The following RALGAPA2 variants were observed in gnomAD, a reference collection of about 807,000 sequenced individuals.
RALGAPA2 encodes the protein ral GTPase-activating protein subunit alpha-2.
Under a neutral mutation model 230.4 loss-of-function variants are expected in RALGAPA2, and 139 were observed. The ratio of observed to expected loss-of-function variants is 0.60; its 90% CI spans 0.53 to 0.69. The LOEUF (loss-of-function observed/expected upper bound fraction) is 0.69, where lower values mean the gene tolerates loss of function less well. RALGAPA2 is among the 30% of genes least tolerant of loss of function. The probability of loss-of-function intolerance (pLI) is 0.00; values close to 1 mark genes in which losing one functional copy is unlikely to be tolerated. For missense variants in RALGAPA2, 2,163 were observed against 2,276.0 expected (o/e 0.95, Z 1.01); for synonymous variants, 847 against 837.8 (o/e 1.01, Z -0.19).
At chr20:20,506,409 AC>A (rs1225075499) in intron 33 of RALGAPA2, among the ~76,000 whole-genome samples, 1 of 152,220 alleles carries the variant, frequency 6.6e-6, no homozygotes, top group African/African-American at 2.4e-5. Context: ...TACAAATTAT[AC>A]CCTGGAGTAA....
intron 36 of RALGAPA2, among the ~76,000 whole-genome samples, chr20:20,484,184 G>A (rs2061848300): frequency 6.6e-6 from 1 of 152,366 alleles, no homozygotes; most frequent in South Asian, 2.1e-4. Context: ...CCAAAAGACA[G>A]TAATTTTCCC....
chr20:20,676,672 A>T (rs1439652296), intron 2 of RALGAPA2, among the ~76,000 whole-genome samples: 2 of 152,224 alleles, frequency 1.3e-5, no homozygotes, highest in African/African-American at 2.4e-5. Context: ...ATAACTATAA[A>T]AGTAGTATAT....
intron 36 of RALGAPA2, among the ~76,000 whole-genome samples, chr20:20,486,316 A>G (rs888486641): frequency 4.6e-5 from 7 of 151,782 alleles, no homozygotes; most frequent in African/African-American, 1.7e-4. Context: ...TTGTCTGAGA[A>G]GGTCTTTCTC....
intron 15 of RALGAPA2, among the ~76,000 whole-genome samples, chr20:20,602,953 G>T (rs2065704689): frequency 6.6e-6 from 1 of 152,050 alleles, no homozygotes; most frequent in Non-Finnish European, 1.5e-5. Context: ...CCTTAGCCAG[G>T]TAAGTTCTCT....
chr20:20,467,300 C>T (rs1198449275), intron 37 of RALGAPA2, among the ~76,000 whole-genome samples: 5 of 152,152 alleles, frequency 3.3e-5, no homozygotes, highest in South Asian at 2.1e-4. Flanking sequence ...AAGTGTGTTC[C>T]GGATACTTTG....
intron 38 of RALGAPA2, among the ~76,000 whole-genome samples, chr20:20,404,486 C>G (rs1428406871): frequency 2.0e-5 from 3 of 152,132 alleles, no homozygotes; most frequent in Non-Finnish European, 2.9e-5. Flanking sequence ...ACTGAGTCTT[C>G]TAGGAGGCCC....
rs2065786408 is a variant in RALGAPA2, at chr20:20,605,332, C to T, written c.1881G>A (p.Leu627=). The part of the protein sequence containing the change: ...RELWDDFLGV[L]SSLTEWEELI... The stretch of plus-strand genomic sequence containing the variant: ...GTTCCTCCCATTCCGTGAGGGAGGA[C>T]AGCACACCAAGAAAGTCATCCCAGA... Residue 627 remains leucine, a synonymous_variant, in exon 15 of 40, where the codon CTG becomes CTA. Coordinates refer to ENST00000202677, the MANE Select transcript of RALGAPA2 (RefSeq NM_020343.4). 2.5e-6 allele frequency: 4 copies of T among 1,613,652 alleles called. No homozygotes were observed. Among genetic ancestry groups the T allele is most frequent in the Admixed American group, 1.7e-5 (1 of 59,982 alleles).
chr20:20,581,422 A>G (rs937738988), intron 20 of RALGAPA2, among the ~76,000 whole-genome samples: 4 of 152,214 alleles, frequency 2.6e-5, no homozygotes, highest in Non-Finnish European at 5.9e-5. Context: ...AGGGCTTTAC[A>G]GTAATTTTAA....
intron 30 of RALGAPA2, among the ~76,000 whole-genome samples, chr20:20,522,541 C>T (rs1316975597): frequency 6.6e-6 from 1 of 152,158 alleles, no homozygotes; most frequent in African/African-American, 2.4e-5. Flanking sequence ...GCGGCTATCC[C>T]TGGACATGGG....
chr20:20,703,616 A>C (rs1003678791), intron 1 of RALGAPA2, among the ~76,000 whole-genome samples: 1 of 152,256 alleles, frequency 6.6e-6, no homozygotes, highest in Non-Finnish European at 1.5e-5. Context: ...CTATGAGAAG[A>C]CATTTTGCAA....
intron 1 of RALGAPA2, among the ~76,000 whole-genome samples, chr20:20,687,495 T>C (rs1355993730): frequency 2.0e-5 from 3 of 152,120 alleles, no homozygotes; most frequent in African/African-American, 7.2e-5. Context: ...AATGTGGCAG[T>C]GGTTGCTGGG....
intron 16 of RALGAPA2, among the ~76,000 whole-genome samples, chr20:20,593,671 T>C (rs918064363): frequency 6.6e-6 from 1 of 152,338 alleles, no homozygotes; most frequent in South Asian, 2.1e-4. Context: ...TTATGGATAG[T>C]GGGAAGAGTT....
chr20:20,645,833 G>A (rs1175315472), intron 4 of RALGAPA2, among the ~76,000 whole-genome samples: 2 of 152,066 alleles, frequency 1.3e-5, no homozygotes, highest in African/African-American at 4.8e-5. Context: ...TCAGACAACT[G>A]ACAGTGAGAT....
intron 4 of RALGAPA2, among the ~76,000 whole-genome samples, chr20:20,645,289 A>G (rs1381112271): frequency 6.6e-6 from 1 of 150,646 alleles, no homozygotes; most frequent in African/African-American, 2.4e-5. Flanking sequence ...TATTTTTTGT[A>G]TTTTAGTAGA....
Position 20,412,089 on chromosome 20 carries a change from G to A in RALGAPA2, c.5555C>T (p.Thr1852Ile), listed in dbSNP as rs2060073541. 1.2e-6 allele frequency: 2 copies of A among 1,613,958 alleles called. No homozygotes were observed. The highest frequency in any genetic ancestry group is 4.5e-5 in the East Asian group (2 of 44,882). ...AIIQNHREVMTFEDFAAQVFS... is the reference protein window; with the variant it reads ...AIIQNHREVMIFEDFAAQVFS... ...GACTTGGGCTGCGAAATCCTCGAAT[G>A]TCATTACTTCGCGGTGGTTCTGAAT... The change falls in exon 38 of 40, where the codon ACA (threonine) becomes ATA (isoleucine). Residue 1852 changes from threonine to isoleucine, a missense_variant. Thr to Ile is a moderately conservative substitution (Grantham distance 89). Transcript: ENST00000202677.
intron 24 of RALGAPA2, among the ~76,000 whole-genome samples, chr20:20,546,354 T>C (rs1337085508): frequency 1.3e-5 from 2 of 152,334 alleles, no homozygotes; most frequent in African/African-American, 4.8e-5. Context: ...TTACTGCTAA[T>C]GTACATTTTA....
intron 20 of RALGAPA2, 118 bp from the exon 21 acceptor site, chr20:20,573,186 A>G (rs2064705973): frequency 2.2e-6 from 2 of 894,290 alleles, no homozygotes; most frequent in Non-Finnish European, 3.2e-6. Flanking sequence ...AAAAAATGTG[A>G]AACAGCTGAG....
At chr20:20,655,979 T>A (rs1291128842) in intron 3 of RALGAPA2, among the ~76,000 whole-genome samples, 1 of 152,186 alleles carries the variant, frequency 6.6e-6, no homozygotes, top group East Asian at 1.9e-4. Flanking sequence ...ATTCTGGACA[T>A]CCTGCCATTT....
intron 37 of RALGAPA2, among the ~76,000 whole-genome samples, chr20:20,421,078 CAAAT>C (rs2060266227): frequency 6.6e-6 from 1 of 152,018 alleles, no homozygotes; most frequent in African/African-American, 2.4e-5. Context: ...TCTTGTATCT[CAAAT>C]ATATAAAGAA....
Sources: gnomAD v4.1 joint callset for allele counts (sites outside exome capture counted in the v4.1 genomes callset) on GRCh38, gnomAD v4.1.1 for gene constraint, MANE v1.5 for transcripts, NCBI Gene and HGNC (gene_info 2026-07-23, HGNC 2026-07-21) for gene names.